NBAS: variants seen among roughly 807,000 people sequenced by gnomAD.
The protein encoded by NBAS is NBAS subunit of NRZ tethering complex.
Under a neutral mutation model 302.5 loss-of-function variants are expected in NBAS, and 219 were observed. The ratio of observed to expected loss-of-function variants is 0.72; its 90% confidence interval spans 0.65 to 0.81. The LOEUF (loss-of-function observed/expected upper bound fraction) is 0.81. NBAS is among the 30% of genes least tolerant of loss of function. The pLI, the probability that NBAS is intolerant of heterozygous loss-of-function variation, is 0.00. For missense variants in NBAS, 2,932 were observed against 2,841.6 expected (o/e 1.03, Z -0.72); for synonymous variants, 1,118 against 1,021.6 (o/e 1.09, Z -1.80).
intron 48 of NBAS, among the ~76,000 whole-genome samples, chr2:15,214,767 A>C (rs1666577327): frequency 6.6e-6 from 1 of 152,184 alleles, no homozygotes; most frequent in Non-Finnish European, 1.5e-5. Flanking sequence ...GGCACATTTT[A>C]CTAATATTTT....
chr2:15,079,576 CTT>C, the NBAS span, among the ~76,000 whole-genome samples: 1 of 152,192 alleles, frequency 6.6e-6, no homozygotes. Flanking sequence ...CCTGCTGTTA[CTT>C]CTGAAGTAGC....
chr2:14,847,956 T>C, the NBAS span, among the ~76,000 whole-genome samples: 1 of 152,052 alleles, frequency 6.6e-6, no homozygotes, highest in Non-Finnish European at 1.5e-5. Flanking sequence ...GGAATACAAC[T>C]AGAAATCAAG....
At chr2:15,501,392 A>C (rs540788256) in intron 11 of NBAS, among the ~76,000 whole-genome samples, 11 of 152,292 alleles carry the variant, frequency 7.2e-5, no homozygotes, top group Non-Finnish European at 1.0e-4. Flanking sequence ...TGGACTACTA[A>C]TTATTAATTC....
downstream of NBAS, among the ~76,000 whole-genome samples, chr2:15,163,645 T>G (rs1035890428): frequency 6.6e-6 from 1 of 152,172 alleles, no homozygotes. Context: ...ACCTAAGTGA[T>G]GCCATAATAA....
the NBAS span, among the ~76,000 whole-genome samples, chr2:15,099,956 A>G: frequency 8.5e-5 from 13 of 152,236 alleles, no homozygotes; most frequent in Non-Finnish European, 1.9e-4. Flanking sequence ...GAAAATGACT[A>G]TTAGAACACA....
chr2:15,112,222 G>C, the NBAS span, among the ~76,000 whole-genome samples: 2 of 151,348 alleles, frequency 1.3e-5, no homozygotes. Context: ...GAAAAAAATA[G>C]GAAATGAGAA....
In NBAS at chr2:15,336,043, C is replaced by G. The variant is rs193295769; in HGVS notation, c.4180-5278G>C. ...CCCTGGAGGTTAAGGCTACTGTGAG[C>G]TGTGATCATGCCACTGCCTTCCAGT... On this transcript the variant is annotated intron_variant, in intron 35 of 51. Coordinates refer to ENST00000281513, the MANE Select transcript of NBAS (RefSeq NM_015909.4). 2.0e-5 allele frequency among the ~76,000 whole-genome samples: 3 copies of G among 151,184 alleles called. No individual in the cohort carries two copies. The East Asian group carries it at 5.8e-4, about 29-fold the overall frequency.
At chr2:15,524,436 G>T (rs1211042869) in intron 9 of NBAS, among the ~76,000 whole-genome samples, 1 of 152,188 alleles carries the variant, frequency 6.6e-6, no homozygotes, top group African/African-American at 2.4e-5. Context: ...CCAAACTGGG[G>T]TCTGACTGGC....
the NBAS span, among the ~76,000 whole-genome samples, chr2:15,065,936 AAAG>A: frequency 4.4e-3 from 674 of 152,248 alleles, 4 homozygotes; most frequent in African/African-American, 0.015. Context: ...CAAAGCAATC[AAAG>A]AAGAACAAAG....
chr2:15,406,104 A>AAAAAAAAAAAAAAAAAAAAAAAAAAAAAG, intron 25 of NBAS, among the ~76,000 whole-genome samples: 1 of 34,828 alleles, frequency 2.9e-5, no homozygotes, highest in Non-Finnish European at 1.3e-4. Flanking sequence ...AATAACATGT[A>AAAAAAAAAAAAAAAAAAAAAAAAAAAAAG]AAAAAAAAAA....
the NBAS span, among the ~76,000 whole-genome samples, chr2:14,806,885 T>G: frequency 6.6e-6 from 1 of 152,256 alleles, no homozygotes; most frequent in African/African-American, 2.4e-5. Flanking sequence ...CTATAAAATC[T>G]ATTCCGTTTC....
chr2:14,885,437 T>A, the NBAS span, among the ~76,000 whole-genome samples: 2 of 152,146 alleles, frequency 1.3e-5, no homozygotes, highest in African/African-American at 4.8e-5. Context: ...GAAGTATGAA[T>A]GAGGGGGAGG....
chr2:15,327,139 G>A (rs34915401), intron 38 of NBAS, among the ~76,000 whole-genome samples: 38,716 of 151,840 alleles, frequency 0.25, 5,426 homozygotes, highest in East Asian at 0.55. Context: ...TTTCTTCCTC[G>A]CTGACATCTG....
the NBAS span, among the ~76,000 whole-genome samples, chr2:14,784,459 T>A: frequency 6.6e-6 from 1 of 152,188 alleles, no homozygotes; most frequent in African/African-American, 2.4e-5. Context: ...AGGTCTAACG[T>A]TTAAGTCTTT....
At chr2:15,020,762 T>C in the NBAS span, among the ~76,000 whole-genome samples, 1 of 152,160 alleles carries the variant, frequency 6.6e-6, no homozygotes, top group Non-Finnish European at 1.5e-5. Flanking sequence ...TCTCCTTTAT[T>C]TTGAGGCATC....
chr2:15,278,753 C>T (rs1669699873), intron 42 of NBAS, among the ~76,000 whole-genome samples: 3 of 152,206 alleles, frequency 2.0e-5, no homozygotes, highest in Admixed American at 2.0e-4. Context: ...TATCACCTGA[C>T]AAAGGGCACA....
chr2:15,117,862 C>T, the NBAS span, among the ~76,000 whole-genome samples: 6 of 152,152 alleles, frequency 3.9e-5, no homozygotes, highest in African/African-American at 1.4e-4. Flanking sequence ...AAGGCCCCTC[C>T]TCCTGCCACT....
intron 26 of NBAS, 138 bp from the exon 27 acceptor site, chr2:15,396,613 G>A (rs752203895): frequency 4.6e-5 from 26 of 565,858 alleles, no homozygotes; most frequent in Non-Finnish European, 7.4e-5. Flanking sequence ...AATTCATTCA[G>A]CATTATTAAT....
intron 44 of NBAS, among the ~76,000 whole-genome samples, chr2:15,258,279 ATG>A (rs2148007577): frequency 6.6e-6 from 1 of 152,290 alleles, no homozygotes; most frequent in East Asian, 1.9e-4. Context: ...TGATTGTAAA[ATG>A]TGTGTTTGAA....
Sources: allele counts gnomAD v4.1 joint callset (sites outside exome capture counted in the v4.1 genomes callset), GRCh38; gene constraint gnomAD v4.1.1; transcripts MANE v1.5; gene names NCBI Gene and HGNC (gene_info 2026-07-23, HGNC 2026-07-21).